The following UBXN11 variants were observed in gnomAD, a reference collection of about 807,000 sequenced individuals.
UBXN11 encodes the protein UBX domain protein 11.
UBXN11 carries 47 observed loss-of-function variants against 62.8 expected under a neutral mutation model. The ratio of observed to expected loss-of-function variants is 0.75; its 90% CI spans 0.59 to 0.95. The LOEUF (loss-of-function observed/expected upper bound fraction) is 0.95, where lower values mean the gene tolerates loss of function less well. Ranked by LOEUF, UBXN11 falls within the 40% of genes least tolerant of loss-of-function variation. The pLI, the probability that UBXN11 is intolerant of heterozygous loss-of-function variation, is 0.00. For missense variants in UBXN11, 638 were observed against 661.7 expected (o/e 0.96, Z 0.39); for synonymous variants, 294 against 267.0 (o/e 1.10, Z -0.99).
intron 1 of UBXN11, among the ~76,000 whole-genome samples, chr1:26,312,771 A>T (rs1048935537): frequency 3.3e-5 from 5 of 150,148 alleles, no homozygotes; most frequent in Non-Finnish European, 7.4e-5. Flanking sequence ...TGAGGTTAGG[A>T]GTTTGAGACC....
chr1:26,304,085 G>C (rs976451810), intron 1 of UBXN11, among the ~76,000 whole-genome samples: 2 of 152,114 alleles, frequency 1.3e-5, no homozygotes, highest in African/African-American at 4.8e-5. Flanking sequence ...ACAAATCCAA[G>C]AAGTTCCACT....
At chr1:26,283,506 G>A (rs918581308) in intron 12 of UBXN11, among the ~76,000 whole-genome samples, 7 of 152,196 alleles carry the variant, frequency 4.6e-5, no homozygotes, top group Non-Finnish European at 8.8e-5. Context: ...TTTATCTCAA[G>A]AACCACTGGA....
intron 4 of UBXN11, among the ~76,000 whole-genome samples, chr1:26,298,811 A>G (rs930504163): frequency 6.6e-6 from 1 of 151,724 alleles, no homozygotes; most frequent in South Asian, 2.1e-4. Context: ...AAGTATGAAA[A>G]TGGAAAAGAA....
intron 1 of UBXN11, among the ~76,000 whole-genome samples, chr1:26,315,285 C>T (rs138922620): frequency 5.3e-5 from 8 of 152,306 alleles, no homozygotes; most frequent in East Asian, 3.9e-4. Context: ...AACTATAACA[C>T]GGCTGGCCCC....
chr1:26,287,185 C>G (rs967261109), intron 8 of UBXN11, among the ~76,000 whole-genome samples: 4 of 152,118 alleles, frequency 2.6e-5, no homozygotes, highest in Non-Finnish European at 5.9e-5. Flanking sequence ...ACAGATGGCT[C>G]TCAGGGAGGA....
At chr1:26,308,275 A>AAAAAGAAAAG (rs11430445), upstream of UBXN11, among the ~76,000 whole-genome samples, 19 of 141,282 alleles carry the variant, frequency 1.3e-4, no homozygotes, top group South Asian at 4.3e-4. Context: ...CAAAAAAAAA[A>AAAAAGAAAAG]AAAAGAAAAG....
At chr1:26,297,380 G>A (rs1443876526) in intron 6 of UBXN11, 47 bp downstream of exon 6, 3 of 1,490,602 alleles carry the variant, frequency 2.0e-6, no homozygotes, top group Non-Finnish European at 2.7e-6. Context: ...GGGCCCAGGG[G>A]AGGTGCCTGA....
intron 8 of UBXN11, among the ~76,000 whole-genome samples, chr1:26,287,795 C>G (rs1262638417): frequency 6.6e-6 from 1 of 152,136 alleles, no homozygotes; most frequent in Non-Finnish European, 1.5e-5. Flanking sequence ...AAAAACTCGC[C>G]TAACAGAATG....
intron 1 of UBXN11, among the ~76,000 whole-genome samples, chr1:26,317,349 G>C (rs1002994005): frequency 1.2e-4 from 19 of 152,218 alleles, no homozygotes; most frequent in African/African-American, 4.6e-4. Context: ...GAGAGGGAAA[G>C]CCCAACTGAA....
At position 26,285,804 on chromosome 1, in the gene UBXN11, C is replaced by G. The variant is rs368079656; in HGVS notation, c.774+19G>C. 4 of 1,578,906 alleles carry G rather than the reference C, an allele frequency of 2.5e-6. No individual in the cohort carries two copies. Among genetic ancestry groups the G allele is most frequent in the South Asian group, 2.3e-5 (2 of 88,476 alleles). ...CAGCAGGGGCACTAGAGCACCACCC[C>G]CCCCAACACCGCTCCTACCTGTGTG... On this transcript the variant is annotated intron_variant, in intron 9 of 14. Coordinates refer to ENST00000374222, the MANE Select transcript of UBXN11 (RefSeq NM_001389556.1).
chr1:26,284,387 G>A lies in UBXN11; in HGVS notation c.948C>T (p.Ala316=). 1 of 1,614,064 alleles carries A rather than the reference G, an allele frequency of 6.2e-7. No individual in the cohort carries two copies. The highest frequency in any genetic ancestry group is 8.5e-7 in the Non-Finnish European group (1 of 1,179,940). The change falls in exon 11 of 15, where the codon GCC becomes GCT. Residue 316 remains alanine (A), a synonymous_variant. Coordinates refer to ENST00000374222, the MANE Select transcript of UBXN11 (RefSeq NM_001389556.1). ...RVVGRQLMHK[A]LDRVEEHPGS... ...CTGGGTGCTCCTCCACCCTGTCCAA[G>A]GCCTTGTGCATCAGCTGCCTGCCCA... is the stretch of plus-strand genomic sequence containing the variant.
At chr1:26,290,338 C>T (rs1383285506) in intron 8 of UBXN11, among the ~76,000 whole-genome samples, 1 of 152,158 alleles carries the variant, frequency 6.6e-6, no homozygotes, top group Non-Finnish European at 1.5e-5. Context: ...AGGGGGTCAG[C>T]GATCTGCTGA....
At chr1:26,290,851 GGGAA>G (rs2124644526) in intron 8 of UBXN11, among the ~76,000 whole-genome samples, 1 of 151,948 alleles carries the variant, frequency 6.6e-6, no homozygotes, top group Admixed American at 6.6e-5. Context: ...GAGGGTGGGG[GGGAA>G]GGGAGAACTT....
In UBXN11 at chr1:26,297,299, T is replaced by C. The variant is rs1224323678; in HGVS notation, c.355+128A>G. The C allele has an allele frequency of 5.1e-6, 6 of 1,165,300 alleles. No individual in the cohort carries two copies. In the East Asian group the frequency reaches 1.3e-4, roughly 25 times the overall value. 72.2% of individuals were successfully genotyped at this position (1,165,300 alleles called of 1,614,324 possible). On this transcript the variant is annotated intron_variant, in intron 6 of 14. Coordinates refer to ENST00000374222, the MANE Select transcript of UBXN11 (RefSeq NM_001389556.1). ...TGCAGCCCCTCTGTGGGCTCAGCTG[T>C]CCAGACCCCACCAAGTAGTCAGCTT...
rs577317920 is a variant in UBXN11, at chr1:26,285,721, G to A, written c.774+102C>T. 8.4e-5 allele frequency: 122 copies of A among 1,453,576 alleles called. 1 individual carries two copies. The East Asian group carries it at 2.5e-3, about 30-fold the overall frequency. The allele number at this position is 1,453,576 out of a possible 1,614,324, so 90.0% of individuals were successfully genotyped here. On this transcript the variant is annotated intron_variant, in intron 9 of 14. Coordinates refer to ENST00000374222, the MANE Select transcript of UBXN11 (RefSeq NM_001389556.1). ...AGTCGTGTGTGGGCCTGGGTGCCCCGTGGAGGGCAGGCTGGGCCTGGGGTG... is the reference window on the plus strand; with the variant it reads ...AGTCGTGTGTGGGCCTGGGTGCCCCATGGAGGGCAGGCTGGGCCTGGGGTG...
Position 26,302,748 on chromosome 1 carries a change from G to C in UBXN11, c.71+65C>G, listed in dbSNP as rs1348046291. The C allele has an allele frequency of 9.1e-6, 14 of 1,543,112 alleles. 1 individual carries two copies. The Admixed American group carries it at 1.9e-4, about 21-fold the overall frequency. On this transcript the variant is annotated intron_variant, in intron 2 of 14. Coordinates refer to ENST00000374222, the MANE Select transcript of UBXN11 (RefSeq NM_001389556.1). ...AGACACTAGGAGTCACTGTCCTCTG[G>C]CCATGGAAGGATAGAAGAGGATACA...
chr1:26,296,870 A>T (rs973356260), intron 7 of UBXN11, 49 bp downstream of exon 7: 1 of 1,553,942 alleles, frequency 6.4e-7, no homozygotes, highest in East Asian at 2.4e-5. Flanking sequence ...TGCCGTGAAG[A>T]GCTGGGGACT....
Position 26,282,699 on chromosome 1 carries a change from C to A in UBXN11, c.1242G>T (p.Met414Ile). The change falls in exon 14 of 15, where the codon ATG (methionine) becomes ATT (isoleucine). Residue 414 changes from methionine (M) to isoleucine (I), a missense_variant. Met to Ile is a conservative substitution (Grantham distance 10, BLOSUM62 1). Coordinates refer to ENST00000374222, the MANE Select transcript of UBXN11 (RefSeq NM_001389556.1). ...ENGEQAFLLM[M>I]QPDNTIGDVR... ...CGTCCCCAATGGTGTTGTCAGGCTG[C>A]ATCATCAGTAGGAAGGCCTGTTCCC... The A allele has an allele frequency of 6.2e-7, 1 of 1,614,196 alleles. No individual in the cohort carries two copies. The highest frequency in any genetic ancestry group is 1.1e-5 in the South Asian group (1 of 91,086).
chr1:26,316,595 A>G (rs74782531), intron 1 of UBXN11, among the ~76,000 whole-genome samples: 1 of 152,276 alleles, frequency 6.6e-6, no homozygotes, highest in East Asian at 1.9e-4. Flanking sequence ...TTCAAGGTCA[A>G]ATGAGACTGG....
Sources: gnomAD v4.1 joint callset for allele counts (sites outside exome capture counted in the v4.1 genomes callset) on GRCh38, gnomAD v4.1.1 for gene constraint, MANE v1.5 for transcripts, NCBI Gene and HGNC (gene_info 2026-07-23, HGNC 2026-07-21) for gene names.